The following OSBPL3 variants were observed in gnomAD, a reference collection of about 807,000 sequenced individuals.
The protein encoded by OSBPL3 is oxysterol-binding protein-related protein 3.
A neutral mutation model predicts 120.1 loss-of-function variants in OSBPL3; 65 were observed. That is an observed-to-expected ratio of 0.54 (90% CI 0.44 to 0.67). OSBPL3 has a LOEUF of 0.67. Ranked by LOEUF, OSBPL3 falls within the 30% of genes least tolerant of loss-of-function variation. The probability of loss-of-function intolerance (pLI) is 0.00; values close to 1 mark genes in which losing one functional copy is unlikely to be tolerated. For synonymous variants in OSBPL3, 416 were observed against 402.6 expected (o/e 1.03, Z -0.40); for missense variants, 1,004 against 1,082.1 (o/e 0.93, Z 1.01).
chr7:24,953,060 C>T lies in OSBPL3; in HGVS notation c.-150+26826G>A, dbSNP rs910680331. ...ACTAGGATAGGAGGGTCACTTGAGC[C>T]TAGGATTTCAAGGTTGCAGTGAGCC... On this transcript the variant is annotated intron_variant, in intron 1 of 22. Transcript: ENST00000313367. The surrounding 1 kb of genome is among the most constrained non-coding windows in gnomAD (Gnocchi z 4.3). 6.6e-6 allele frequency among the ~76,000 whole-genome samples: 1 copy of T among 152,066 alleles called. No homozygotes were observed. The highest frequency in any genetic ancestry group is 1.5e-5 in the Non-Finnish European group (1 of 68,018).
rs757514620 is a variant in OSBPL3, at chr7:24,959,542, C to A, written c.-150+20344G>T. The stretch of plus-strand genomic sequence containing the variant: ...AAATCAGGATGGAAATTACCCATTG[C>A]GGGTAGGGATAGCGACTTCGGAAGA... On this transcript the variant is annotated intron_variant, in intron 1 of 22. Transcript: ENST00000313367. This position sits in a 1 kb window ranked among gnomAD's most constrained non-coding sequence, Gnocchi z 4.3. 1.3e-5 allele frequency among the ~76,000 whole-genome samples: 2 copies of A among 152,102 alleles called. No homozygotes were observed. Among genetic ancestry groups the A allele is most frequent in the Admixed American group, 1.3e-4 (2 of 15,270 alleles).
At position 24,980,128 on chromosome 7, in the gene OSBPL3, C is replaced by T. The variant is rs1219769314; in HGVS notation, c.-392G>A. 7 of 821,774 alleles carry T rather than the reference C, an allele frequency of 8.5e-6. No homozygotes were observed. Among genetic ancestry groups the T allele is most frequent in the Non-Finnish European group, 1.0e-5 (7 of 680,438 alleles). 50.9% of individuals were successfully genotyped at this position (821,774 alleles called of 1,614,324 possible). A position where few individuals can be genotyped will look rare whatever the true frequency, so the allele number is the denominator to read the frequency against. On this transcript the variant is annotated 5_prime_UTR_variant, in exon 1 of 23. Coordinates refer to ENST00000313367, the MANE Select transcript of OSBPL3 (RefSeq NM_015550.4). ...AAGTCCCCTCTCCCGGGCCGGCTGG[C>T]GGGCGCCACCAGCACGCGGCCAGTT...
Position 24,819,649 on chromosome 7 carries a change from A to G in OSBPL3, c.1948+526T>C, listed in dbSNP as rs909637113. Among the ~76,000 whole-genome samples the G allele has an allele frequency of 6.6e-6, 1 of 152,174 alleles. No homozygotes were observed. Among genetic ancestry groups the G allele is most frequent in the Non-Finnish European group, 1.5e-5 (1 of 68,038 alleles). Reference sequence around the variant, plus strand: ...CACTGTCCAAAAACCTAGGATGCTTATATGTTCCTTCTACAGTACACTTTT... The same window carrying G: ...CACTGTCCAAAAACCTAGGATGCTTGTATGTTCCTTCTACAGTACACTTTT... On this transcript the variant is annotated intron_variant, in intron 17 of 22. Transcript: ENST00000313367. The surrounding 1 kb of genome is among the most constrained non-coding windows in gnomAD (Gnocchi z 4.1).
At chr7:24,907,618 C>T (rs557381996) in intron 1 of OSBPL3, among the ~76,000 whole-genome samples, 35 of 152,298 alleles carry the variant, frequency 2.3e-4, no homozygotes, top group African/African-American at 8.4e-4. Context: ...GAGCACCCTC[C>T]TAACCCACTT....
In OSBPL3 at chr7:24,922,056, G is replaced by A. The variant is rs1810450319; in HGVS notation, c.-149-29435C>T. On this transcript the variant is annotated intron_variant, in intron 1 of 22. Transcript: ENST00000313367. The surrounding 1 kb of genome is among the most constrained non-coding windows in gnomAD (Gnocchi z 4.3). ...CACAGCAGCCACCTCAAAAACGCTT[G>A]TGGAATCTCTATACTTCTAACATTG... 6.6e-6 allele frequency among the ~76,000 whole-genome samples: 1 copy of A among 152,194 alleles called. No homozygotes were observed. The highest frequency in any genetic ancestry group is 1.5e-5 in the Non-Finnish European group (1 of 68,034).
intron 10 of OSBPL3, among the ~76,000 whole-genome samples, chr7:24,853,746 A>C (rs1014739979): frequency 6.6e-6 from 1 of 152,230 alleles, no homozygotes; most frequent in Non-Finnish European, 1.5e-5. Flanking sequence ...ATGGTTCCAA[A>C]AAGTGAAAGC....
At position 24,815,628 on chromosome 7, in the gene OSBPL3, A is replaced by G. The variant is rs1035741756; in HGVS notation, c.2028-425T>C. 6.6e-6 allele frequency among the ~76,000 whole-genome samples: 1 copy of G among 152,260 alleles called. No homozygotes were observed. The highest frequency in any genetic ancestry group is 2.4e-5 in the African/African-American group (1 of 41,474). The stretch of plus-strand genomic sequence containing the variant: ...CCTGCATCCTTTGTGATGAGAAAGT[A>G]TTCAGATATTACTTATGGAATTCAA... On this transcript the variant is annotated intron_variant, in intron 18 of 22. Coordinates refer to ENST00000313367, the MANE Select transcript of OSBPL3 (RefSeq NM_015550.4). The surrounding 1 kb of genome is among the most constrained non-coding windows in gnomAD (Gnocchi z 5.1).
In OSBPL3 at chr7:24,804,560, C is replaced by T. The variant is rs908586029; in HGVS notation, c.2445-123G>A. On this transcript the variant is annotated intron_variant, in intron 21 of 22. Transcript: ENST00000313367. This position sits in a 1 kb window ranked among gnomAD's most constrained non-coding sequence, Gnocchi z 5.4. The stretch of plus-strand genomic sequence containing the variant: ...AAATCCTCTCCTATACGTAAGACCC[C>T]GCCCCAACCGTTTAATCCGTATCTT... The T allele has an allele frequency of 1.6e-5, 13 of 800,982 alleles. No individual in the cohort carries two copies. Among genetic ancestry groups the T allele is most frequent in the East Asian group, 5.4e-5 (2 of 37,128 alleles). The allele number at this position is 800,982 out of a possible 1,614,324, so 49.6% of individuals were successfully genotyped here.
At chr7:24,832,447 T>C (rs1796494894) in intron 15 of OSBPL3, among the ~76,000 whole-genome samples, 1 of 143,524 alleles carries the variant, frequency 7.0e-6, no homozygotes, top group South Asian at 2.2e-4. Context: ...GAGGTGGAGG[T>C]TGCAGTGAGC....
At chr7:24,909,651 T>C (rs1378858976) in intron 1 of OSBPL3, among the ~76,000 whole-genome samples, 2 of 152,148 alleles carry the variant, frequency 1.3e-5, no homozygotes, top group African/African-American at 4.8e-5. Context: ...GTCACCTCTG[T>C]ACGTCTTAAC....
chr7:24,963,573 C>T (rs189872146), intron 1 of OSBPL3, among the ~76,000 whole-genome samples: 1 of 152,278 alleles, frequency 6.6e-6, no homozygotes, highest in African/African-American at 2.4e-5. Context: ...GCACAAGGAC[C>T]CTGGGTGAGA....
intron 22 of OSBPL3, 128 bp from the exon 23 acceptor site, chr7:24,800,407 G>C (rs1792159870): frequency 1.8e-6 from 1 of 551,120 alleles, no homozygotes; most frequent in South Asian, 2.4e-5. Context: ...CCAGAGTGTT[G>C]GGACCGGGAA....
chr7:24,833,327 C>T lies in OSBPL3; in HGVS notation c.1746+1159G>A, dbSNP rs1382315142. On this transcript the variant is annotated intron_variant, in intron 15 of 22. Transcript: ENST00000313367. This position sits in a 1 kb window ranked among gnomAD's most constrained non-coding sequence, Gnocchi z 4.4. ...AGGTTGCAGTGAGGTAGGACTGCACCGCTGCACTCCAGCCTGGGTGACAAA... is the reference window on the plus strand; with the variant it reads ...AGGTTGCAGTGAGGTAGGACTGCACTGCTGCACTCCAGCCTGGGTGACAAA... Among the ~76,000 whole-genome samples the T allele has an allele frequency of 2.0e-5, 3 of 152,064 alleles. No homozygotes were observed. The highest frequency in any genetic ancestry group is 6.5e-5 in the Admixed American group (1 of 15,274).
chr7:24,879,044 G>C lies in OSBPL3; in HGVS notation c.97-6975C>G, dbSNP rs1803264964. 1.3e-5 allele frequency among the ~76,000 whole-genome samples: 2 copies of C among 152,146 alleles called. No individual in the cohort carries two copies. The highest frequency in any genetic ancestry group is 2.9e-5 in the Non-Finnish European group (2 of 68,022). On this transcript the variant is annotated intron_variant, in intron 2 of 22. Coordinates refer to ENST00000313367, the MANE Select transcript of OSBPL3 (RefSeq NM_015550.4). This position sits in a 1 kb window ranked among gnomAD's most constrained non-coding sequence, Gnocchi z 5.6. The stretch of plus-strand genomic sequence containing the variant: ...CCCTGGATTCCAGCTTTGCCTAAAG[G>C]ATGGGTTGTCTTACTATCTAATGAG...
In OSBPL3 at chr7:24,928,349, A is replaced by G. The variant is rs911893124; in HGVS notation, c.-149-35728T>C. On this transcript the variant is annotated intron_variant, in intron 1 of 22. Coordinates refer to ENST00000313367, the MANE Select transcript of OSBPL3 (RefSeq NM_015550.4). Reference sequence around the variant, plus strand: ...TGGGACTATAGGCGCCCGCCACCACACCCGGCTACTTTTTTGTCTTTTTAG... The same window carrying G: ...TGGGACTATAGGCGCCCGCCACCACGCCCGGCTACTTTTTTGTCTTTTTAG... Among the ~76,000 whole-genome samples the G allele has an allele frequency of 9.9e-5, 15 of 151,396 alleles. No homozygotes were observed. The South Asian group carries it at 1.5e-3, about 15-fold the overall frequency.
At chr7:24,963,920 T>C (rs1045244287) in intron 1 of OSBPL3, among the ~76,000 whole-genome samples, 2 of 152,088 alleles carry the variant, frequency 1.3e-5, no homozygotes, top group African/African-American at 4.8e-5. Flanking sequence ...CCTGAGTACC[T>C]TGTAGTGCCG....
chr7:24,805,786 T>C lies in OSBPL3; in HGVS notation c.2444+990A>G, dbSNP rs183128893. The stretch of plus-strand genomic sequence containing the variant: ...TTTGCTAACAACAGTGTTCAATCCC[T>C]GCAAAATGAATTTACCTCCCTATGT... On this transcript the variant is annotated intron_variant, in intron 21 of 22. Transcript: ENST00000313367. This position sits in a 1 kb window ranked among gnomAD's most constrained non-coding sequence, Gnocchi z 4.0. Among the ~76,000 whole-genome samples the C allele has an allele frequency of 2.6e-5, 4 of 152,226 alleles. No individual in the cohort carries two copies. The highest frequency in any genetic ancestry group is 2.6e-4 in the Admixed American group (4 of 15,290).
Position 24,965,634 on chromosome 7 carries a change from A to G in OSBPL3, c.-150+14252T>C, listed in dbSNP as rs1816284582. Among the ~76,000 whole-genome samples, 1 of 152,160 alleles carries G rather than the reference A, an allele frequency of 6.6e-6. No individual in the cohort carries two copies. The highest frequency in any genetic ancestry group is 1.5e-5 in the Non-Finnish European group (1 of 68,024). On this transcript the variant is annotated intron_variant, in intron 1 of 22. Transcript: ENST00000313367. The surrounding 1 kb of genome is among the most constrained non-coding windows in gnomAD (Gnocchi z 4.3). ...TCCTAATAACTTATTAGAATTGTAG[A>G]ATCTCAGGTCCCATTAAATCAGAAA...
rs1431941616 is a variant in OSBPL3, at chr7:24,855,183, C to G, written c.1028-2549G>C. Among the ~76,000 whole-genome samples, 1 of 152,158 alleles carries G rather than the reference C, an allele frequency of 6.6e-6. No homozygotes were observed. The highest frequency in any genetic ancestry group is 1.9e-4 in the East Asian group (1 of 5,196). On this transcript the variant is annotated intron_variant, in intron 10 of 22. Transcript: ENST00000313367. The surrounding 1 kb of genome is among the most constrained non-coding windows in gnomAD (Gnocchi z 4.3). Reference sequence around the variant, plus strand: ...GTCCTATTAGATAGGCACTATGCCCCTCCCCTGCCTGCCACACACACAGGA... The same window carrying G: ...GTCCTATTAGATAGGCACTATGCCCGTCCCCTGCCTGCCACACACACAGGA...
Sources: gnomAD v4.1 joint callset for allele counts (sites outside exome capture counted in the v4.1 genomes callset) on GRCh38, gnomAD v4.1.1 for gene constraint, Gnocchi (gnomAD v3.1) non-coding constraint, MANE v1.5 for transcripts, NCBI Gene and HGNC (gene_info 2026-07-23, HGNC 2026-07-21) for gene names.